FAF1: variants seen among roughly 807,000 people sequenced by gnomAD.
FAF1 encodes Fas associated factor 1.
In FAF1, 25 loss-of-function variants were observed where a neutral mutation model predicts 92.5. That is an observed-to-expected ratio of 0.27 (90% CI 0.20 to 0.38). The LOEUF is 0.38. Ranked by LOEUF, FAF1 falls within the 10% of genes least tolerant of loss-of-function variation. The pLI, the probability that FAF1 is intolerant of heterozygous loss-of-function variation, is 1.00. For synonymous variants in FAF1, 234 were observed against 273.2 expected (o/e 0.86, Z 1.42); for missense variants, 636 against 793.3 (o/e 0.80, Z 2.38).
rs1033114419 is a variant in FAF1 at position 50,959,898 on chromosome 1, G to A, written c.-87C>T. ...TCCTGCGACCGTCGCCGCCACCGCC[G>A]CCGCCGCCGCCGGGCGCCGAGGGGC... is the stretch of plus-strand genomic sequence containing the variant. On this transcript the variant is annotated 5_prime_UTR_variant, in exon 1 of 19. Coordinates refer to ENST00000396153, the MANE Select transcript of FAF1 (RefSeq NM_007051.3). 1.4e-4 allele frequency: 112 copies of A among 804,330 alleles called. No individual in the cohort carries two copies. The highest frequency in any genetic ancestry group is 1.6e-4 in the Non-Finnish European group (101 of 626,914). 49.8% of individuals were successfully genotyped at this position (804,330 alleles called of 1,614,324 possible).
chr1:50,507,020 A>G (rs1457115993), intron 15 of FAF1, among the ~76,000 whole-genome samples: 1 of 152,220 alleles, frequency 6.6e-6, no homozygotes, highest in Non-Finnish European at 1.5e-5. Context: ...GAATGGGAAA[A>G]TAGCTCTACC....
chr1:50,552,891 C>T (rs1285925657), intron 13 of FAF1, among the ~76,000 whole-genome samples: 1 of 151,924 alleles, frequency 6.6e-6, no homozygotes, highest in Non-Finnish European at 1.5e-5. Flanking sequence ...TTATTGTGTG[C>T]TTATTTGAAG....
intron 1 of FAF1, among the ~76,000 whole-genome samples, chr1:50,912,036 C>CAA (rs796964084): frequency 3.0e-5 from 4 of 133,828 alleles, no homozygotes; most frequent in East Asian, 2.2e-4. Context: ...GACACTATCT[C>CAA]AAAAAAAAAA....
intron 2 of FAF1, among the ~76,000 whole-genome samples, chr1:50,819,740 C>CACGT (rs1553142998): frequency 3.6e-5 from 1 of 28,036 alleles, no homozygotes; most frequent in Non-Finnish European, 6.4e-5. Flanking sequence ...CATATATATA[C>CACGT]ATATATATAT....
intron 8 of FAF1, 82 bp downstream of exon 8, chr1:50,655,360 G>A: frequency 1.1e-6 from 1 of 900,278 alleles, no homozygotes; most frequent in Non-Finnish European, 1.9e-6. Flanking sequence ...GCATTTAATT[G>A]TGCTTATTAT....
At chr1:50,727,751 G>T (rs1481969923) in intron 6 of FAF1, among the ~76,000 whole-genome samples, 3 of 152,166 alleles carry the variant, frequency 2.0e-5, no homozygotes. Flanking sequence ...CCTCAATCTG[G>T]GTGGGTATTG....
intron 13 of FAF1, among the ~76,000 whole-genome samples, chr1:50,552,857 A>G (rs889604216): frequency 3.3e-5 from 5 of 152,204 alleles, no homozygotes; most frequent in Non-Finnish European, 7.3e-5. Flanking sequence ...AGAGAATCCC[A>G]AATCCCAGTA....
At chr1:50,686,371 C>T (rs1045671968) in intron 7 of FAF1, among the ~76,000 whole-genome samples, 13 of 151,910 alleles carry the variant, frequency 8.6e-5, no homozygotes, top group African/African-American at 2.9e-4. Flanking sequence ...GGAGAAACCC[C>T]GTCCCTACTA....
intron 1 of FAF1, among the ~76,000 whole-genome samples, chr1:50,940,489 G>A (rs1014514155): frequency 6.6e-6 from 1 of 152,064 alleles, no homozygotes; most frequent in Non-Finnish European, 1.5e-5. Context: ...TATCAAACAC[G>A]TGGTCTCAAG....
chr1:50,653,965 AC>A (rs1372179163), intron 8 of FAF1, among the ~76,000 whole-genome samples: 1 of 152,138 alleles, frequency 6.6e-6, no homozygotes, highest in African/African-American at 2.4e-5. Flanking sequence ...ACCGTGCCTG[AC>A]CAAAAATAAA....
intron 13 of FAF1, among the ~76,000 whole-genome samples, chr1:50,540,500 T>C (rs2149040615): frequency 6.6e-6 from 1 of 152,294 alleles, no homozygotes; most frequent in African/African-American, 2.4e-5. Flanking sequence ...GGTCTTCTAG[T>C]TTCATACTTA....
intron 7 of FAF1, among the ~76,000 whole-genome samples, chr1:50,690,604 C>G (rs113923006): frequency 0.086 from 13,108 of 151,916 alleles, 727 homozygotes; most frequent in South Asian, 0.19. Context: ...GTCTCAAAAA[C>G]AAACAAACAA....
intron 6 of FAF1, among the ~76,000 whole-genome samples, chr1:50,715,923 T>C (rs1429914901): frequency 6.6e-6 from 1 of 152,202 alleles, no homozygotes; most frequent in Admixed American, 6.5e-5. Flanking sequence ...AGCCATATAT[T>C]ATTAGCTTAC....
At chr1:50,551,727 CT>C (rs1649318376) in intron 13 of FAF1, among the ~76,000 whole-genome samples, 1 of 152,078 alleles carries the variant, frequency 6.6e-6, no homozygotes, top group Non-Finnish European at 1.5e-5. Flanking sequence ...CCAAAAGATC[CT>C]TTAGATAAGA....
intron 18 of FAF1, among the ~76,000 whole-genome samples, chr1:50,457,883 AAG>A (rs1203260614): frequency 6.6e-6 from 1 of 150,482 alleles, no homozygotes; most frequent in East Asian, 2.0e-4. Context: ...AAAAAAAAAA[AAG>A]GTAAAAGTTT....
chr1:50,446,020 C>T (rs1347459905), intron 18 of FAF1, among the ~76,000 whole-genome samples: 1 of 152,142 alleles, frequency 6.6e-6, no homozygotes, highest in African/African-American at 2.4e-5. Context: ...AAAAGCCTAT[C>T]ACTGCTGTTG....
At chr1:50,824,887 T>TA (rs963717132) in intron 2 of FAF1, among the ~76,000 whole-genome samples, 1 of 151,884 alleles carries the variant, frequency 6.6e-6, no homozygotes, top group African/African-American at 2.4e-5. Flanking sequence ...ATGTCAGAGC[T>TA]AAAAAAAATT....
chr1:50,496,771 C>T (rs1646903607), intron 15 of FAF1, among the ~76,000 whole-genome samples: 1 of 152,050 alleles, frequency 6.6e-6, no homozygotes, highest in Non-Finnish European at 1.5e-5. Context: ...TGCCCGTAAT[C>T]CCAGCTCCTT....
intron 1 of FAF1, among the ~76,000 whole-genome samples, chr1:50,885,301 C>G (rs1469891189): frequency 6.8e-6 from 1 of 147,638 alleles, no homozygotes; most frequent in African/African-American, 2.6e-5. Flanking sequence ...CTCTTTCTCT[C>G]TCTCTCTCTC....
Sources: gnomAD v4.1 joint callset for allele counts (sites outside exome capture counted in the v4.1 genomes callset) on GRCh38, gnomAD v4.1.1 for gene constraint, MANE v1.5 for transcripts, NCBI Gene and HGNC (gene_info 2026-07-23, HGNC 2026-07-21) for gene names.